EPHB2: variants seen among roughly 807,000 people sequenced by gnomAD.
The protein encoded by EPHB2 is EPH receptor B2.
A neutral mutation model predicts 96.4 loss-of-function variants in EPHB2; 18 were observed. That is an observed-to-expected ratio of 0.19 (90% CI 0.13 to 0.28). The LOEUF is 0.28. Among genes scored for constraint, EPHB2 ranks in the 10% least tolerant of loss-of-function variants. The probability of loss-of-function intolerance (pLI) is 1.00; values close to 1 mark genes in which losing one functional copy is unlikely to be tolerated. For synonymous variants in EPHB2, 506 were observed against 534.1 expected (o/e 0.95, Z 0.72); for missense variants, 989 against 1,355.4 (o/e 0.73, Z 4.25).
chr1:22,864,029 CTGTTCTTTTTTTT>C, intron 4 of EPHB2, among the ~76,000 whole-genome samples: 1 of 128,396 alleles, frequency 7.8e-6, no homozygotes, highest in Admixed American at 8.9e-5. Context: ...AACCTAGTTT[CTGTTCTTTTTTTT>C]TTTTTTTTTT....
chr1:22,832,173 G>A (rs993438736), intron 3 of EPHB2, among the ~76,000 whole-genome samples: 1 of 152,108 alleles, frequency 6.6e-6, no homozygotes, highest in Admixed American at 6.5e-5. Context: ...GCAGGAACAG[G>A]GTGCACGTCA....
intron 3 of EPHB2, among the ~76,000 whole-genome samples, chr1:22,853,965 G>A (rs148649746): frequency 6.6e-6 from 1 of 152,384 alleles, no homozygotes; most frequent in East Asian, 1.9e-4. Flanking sequence ...CCTGTCAGCT[G>A]CTGGCTGGGT....
intron 1 of EPHB2, among the ~76,000 whole-genome samples, chr1:22,774,330 G>A (rs1392020602): frequency 1.3e-5 from 2 of 152,182 alleles, no homozygotes; most frequent in African/African-American, 4.8e-5. Context: ...TGTGTCTCCA[G>A]TGCCTGGCTC....
intron 9 of EPHB2, among the ~76,000 whole-genome samples, chr1:22,896,834 T>C (rs1320799777): frequency 6.6e-6 from 1 of 152,192 alleles, no homozygotes; most frequent in Non-Finnish European, 1.5e-5. Context: ...ACCACCGTGA[T>C]AGTGGTGGCC....
At chr1:22,850,921 C>G (rs1262210777) in intron 3 of EPHB2, among the ~76,000 whole-genome samples, 2 of 152,038 alleles carry the variant, frequency 1.3e-5, no homozygotes, top group Non-Finnish European at 2.9e-5. Context: ...AGAGGCCAGG[C>G]GGGTGGAGGG....
At chr1:22,736,739 G>A (rs1415953669) in intron 1 of EPHB2, among the ~76,000 whole-genome samples, 1 of 152,226 alleles carries the variant, frequency 6.6e-6, no homozygotes, top group Non-Finnish European at 1.5e-5. Flanking sequence ...GCCTGCAATG[G>A]GGCTTTCTTG....
chr1:22,897,641 G>T (rs1028323910), intron 9 of EPHB2, among the ~76,000 whole-genome samples: 2 of 152,144 alleles, frequency 1.3e-5, no homozygotes, highest in South Asian at 2.1e-4. Context: ...ACAAAATTTA[G>T]CCAGGCATGG....
intron 3 of EPHB2, among the ~76,000 whole-genome samples, chr1:22,859,103 A>C (rs946784999): frequency 6.6e-6 from 1 of 152,132 alleles, no homozygotes; most frequent in South Asian, 2.1e-4. Flanking sequence ...ATGCCACTGC[A>C]CTCCAGCCTG....
intron 6 of EPHB2, among the ~76,000 whole-genome samples, chr1:22,888,193 C>T (rs1009186934): frequency 2.0e-5 from 3 of 152,168 alleles, no homozygotes; most frequent in Non-Finnish European, 4.4e-5. Flanking sequence ...AGGCATGTGC[C>T]ACCACGCTCG....
chr1:22,825,767 G>A (rs1645214246), intron 3 of EPHB2, among the ~76,000 whole-genome samples: 1 of 152,248 alleles, frequency 6.6e-6, no homozygotes, highest in African/African-American at 2.4e-5. Flanking sequence ...AGGAGGCAGT[G>A]GCTGCCTTGG....
At chr1:22,753,370 G>C (rs867725220) in intron 1 of EPHB2, among the ~76,000 whole-genome samples, 3 of 152,208 alleles carry the variant, frequency 2.0e-5, no homozygotes, top group South Asian at 2.1e-4. Context: ...GCCCGTGCTG[G>C]ACACTTAAAT....
intron 1 of EPHB2, among the ~76,000 whole-genome samples, chr1:22,770,328 TA>T (rs766777577): frequency 1.3e-5 from 2 of 152,286 alleles, no homozygotes; most frequent in South Asian, 4.1e-4. Flanking sequence ...AAATTTCATG[TA>T]GCTAAATGCC....
At chr1:22,872,108 G>A (rs540157325) in intron 5 of EPHB2, among the ~76,000 whole-genome samples, 4 of 152,202 alleles carry the variant, frequency 2.6e-5, no homozygotes, top group Admixed American at 2.0e-4. Flanking sequence ...GGGACAATCC[G>A]TTTTCTTGCT....
At chr1:22,775,321 G>T (rs541123264) in intron 1 of EPHB2, 2 of 764,110 alleles carry the variant, frequency 2.6e-6, no homozygotes, top group South Asian at 2.8e-5. Context: ...TGGAGGTTGC[G>T]CCTGAAATGG....
chr1:22,822,565 T>C (rs906701080), intron 3 of EPHB2, among the ~76,000 whole-genome samples: 4 of 152,244 alleles, frequency 2.6e-5, no homozygotes, highest in African/African-American at 9.6e-5. Context: ...GAATGTCTGG[T>C]TGCCTCCAGT....
chr1:22,905,492 G>T (rs1639881081), intron 9 of EPHB2, among the ~76,000 whole-genome samples: 1 of 152,094 alleles, frequency 6.6e-6, no homozygotes, highest in South Asian at 2.1e-4. Context: ...CTTGAATTAG[G>T]CCTGGAGAGA....
At chr1:22,797,909 G>A (rs572252588) in intron 3 of EPHB2, among the ~76,000 whole-genome samples, 1 of 152,154 alleles carries the variant, frequency 6.6e-6, no homozygotes, top group Non-Finnish European at 1.5e-5. Flanking sequence ...GTCTTCTTCA[G>A]GTCTCTGCCC....
At chr1:22,826,731 C>T (rs891388445) in intron 3 of EPHB2, among the ~76,000 whole-genome samples, 2 of 151,918 alleles carry the variant, frequency 1.3e-5, no homozygotes, top group Non-Finnish European at 2.9e-5. Context: ...CAGGTCCGGA[C>T]CCAGGGAGGG....
rs1302258024 is a variant in EPHB2, at chr1:22,788,747, G to GT, written c.811+3676dup. On this transcript the variant is annotated intron_variant, in intron 3 of 15. Transcript: ENST00000374630. Reference sequence around the variant, plus strand: ...ATTTTGTTTTGTTTTTTTGTCTTTTGTTTTTGTTTTTTTTTTTTTTTTTTT... The same window carrying GT: ...ATTTTGTTTTGTTTTTTTGTCTTTTGTTTTTTGTTTTTTTTTTTTTTTTTTT... 5.1e-3 allele frequency among the ~76,000 whole-genome samples: 461 copies of GT among 90,580 alleles called. 10 individuals are homozygous for GT. Among genetic ancestry groups the GT allele is most frequent in the African/African-American group, 0.015 (386 of 25,320 alleles). The allele number at this position is 90,580 out of a possible 152,430, so 59.4% of individuals were successfully genotyped here. A position where few individuals can be genotyped will look rare whatever the true frequency, so the allele number is the denominator to read the frequency against.
Sources: gnomAD v4.1 joint callset for allele counts (sites outside exome capture counted in the v4.1 genomes callset) on GRCh38, gnomAD v4.1.1 for gene constraint, MANE v1.5 for transcripts, NCBI Gene and HGNC (gene_info 2026-07-23, HGNC 2026-07-21) for gene names.